IGF2BP1: variants seen among roughly 807,000 people sequenced by gnomAD.
IGF2BP1 encodes the protein insulin-like growth factor 2 mRNA-binding protein 1.
In IGF2BP1, 11 loss-of-function variants were observed where a neutral mutation model predicts 74.9. That is an observed-to-expected ratio of 0.15 (90% CI 0.09 to 0.24). The LOEUF is 0.24. Among genes scored for constraint, IGF2BP1 ranks in the 10% least tolerant of loss-of-function variants. IGF2BP1 has a pLI of 1.00. For missense variants in IGF2BP1, 440 were observed against 757.4 expected (o/e 0.58, Z 4.92); for synonymous variants, 287 against 281.8 (o/e 1.02, Z -0.18).
At chr17:49,037,591 C>T (rs1460852482) in intron 5 of IGF2BP1, among the ~76,000 whole-genome samples, 2 of 152,034 alleles carry the variant, frequency 1.3e-5, no homozygotes, top group African/African-American at 2.4e-5. Flanking sequence ...ATTTCAAAAA[C>T]GAAAATAAAC....
At chr17:49,038,565 G>A (rs946196663) in intron 6 of IGF2BP1, 116 bp downstream of exon 6, 1 of 1,122,856 alleles carries the variant, frequency 8.9e-7, no homozygotes, top group African/African-American at 1.6e-5. Context: ...AGGAAATGTT[G>A]CCTGGAGCAT....
chr17:49,047,647 C>T (rs1242993778), intron 14 of IGF2BP1, among the ~76,000 whole-genome samples: 1 of 151,588 alleles, frequency 6.6e-6, no homozygotes, highest in Non-Finnish European at 1.5e-5. Flanking sequence ...AAACATCAAG[C>T]CAGGGTTGAT....
intron 4 of IGF2BP1, among the ~76,000 whole-genome samples, chr17:49,027,878 AAAAG>A (rs1237775000): frequency 2.8e-4 from 42 of 149,844 alleles, no homozygotes; most frequent in African/African-American, 9.9e-4. Flanking sequence ...AAAAAAAAAA[AAAAG>A]TTTGCCGGCT....
intron 5 of IGF2BP1, among the ~76,000 whole-genome samples, chr17:49,037,898 C>T (rs1478628769): frequency 6.6e-6 from 1 of 152,200 alleles, no homozygotes; most frequent in African/African-American, 2.4e-5. Flanking sequence ...AAGCCCATTT[C>T]TCTGATGGTT....
At chr17:49,028,888 A>T (rs779168566) in intron 4 of IGF2BP1, among the ~76,000 whole-genome samples, 1 of 151,948 alleles carries the variant, frequency 6.6e-6, no homozygotes, top group African/African-American at 2.4e-5. Flanking sequence ...GCTCATTGCA[A>T]CCTCCGCCTC....
Position 49,043,589 on chromosome 17 carries a change from ATATGTGGCCTCCCTTAAGGGGGAC to A in IGF2BP1, c.1200+41_1200+64del, listed in dbSNP as rs754371094. 4 of 1,608,386 alleles carry A rather than the reference ATATGTGGCCTCCCTTAAGGGGGAC, an allele frequency of 2.5e-6. No individual in the cohort carries two copies. The South Asian group carries it at 4.4e-5, about 18-fold the overall frequency. On this transcript the variant is annotated intron_variant, in intron 10 of 14. Transcript: ENST00000290341. Reference sequence around the variant, plus strand: ...CTTATTACACGGGATCCCTGGGCCCATATGTGGCCTCCCTTAAGGGGGACTCAGCATGCTCTGGGAGTTGGATGC... The same window carrying A: ...CTTATTACACGGGATCCCTGGGCCCATCAGCATGCTCTGGGAGTTGGATGC...
At chr17:49,036,139 A>G (rs1370776341) in intron 5 of IGF2BP1, among the ~76,000 whole-genome samples, 1 of 152,178 alleles carries the variant, frequency 6.6e-6, no homozygotes, top group Non-Finnish European at 1.5e-5. Flanking sequence ...CTTGGCAAGT[A>G]TATAGCAGGT....
chr17:49,004,742 G>C (rs757893737), intron 2 of IGF2BP1: 6 of 152,134 alleles, frequency 3.9e-5, no homozygotes, highest in Non-Finnish European at 7.4e-5. Flanking sequence ...CTCCATGTTA[G>C]TGTAAAACTT....
chr17:49,044,787 C>T (rs1196570239), intron 11 of IGF2BP1, among the ~76,000 whole-genome samples: 1 of 152,246 alleles, frequency 6.6e-6, no homozygotes, highest in African/African-American at 2.4e-5. Context: ...TGAAGCCAAT[C>T]CTTCTAACTG....
rs1283143056 is a variant in IGF2BP1, at chr17:49,049,686, G to C, written c.*242G>C. The C allele has an allele frequency of 4.2e-6, 2 of 471,028 alleles. No homozygotes were observed. Among genetic ancestry groups the C allele is most frequent in the African/African-American group, 2.0e-5 (1 of 50,360 alleles). The allele number at this position is 471,028 out of a possible 1,614,324, so 29.2% of individuals were successfully genotyped here. On this transcript the variant is annotated 3_prime_UTR_variant, in exon 15 of 15. Transcript: ENST00000290341. ...GGGGTGTCAGAAATTCTAGCGCAAG[G>C]CACTTTTAAACGTGGATTGTTTAAA... is the stretch of plus-strand genomic sequence containing the variant.
chr17:49,021,025 C>T (rs1285850719), intron 2 of IGF2BP1, among the ~76,000 whole-genome samples: 1 of 151,422 alleles, frequency 6.6e-6, no homozygotes, highest in East Asian at 1.9e-4. Context: ...TGCCTGTGGC[C>T]CCAGCTGCTC....
chr17:49,045,385 C>G (rs1456614442), intron 12 of IGF2BP1, among the ~76,000 whole-genome samples: 1 of 152,216 alleles, frequency 6.6e-6, no homozygotes, highest in African/African-American at 2.4e-5. Flanking sequence ...TATGTCCCCA[C>G]TAAATCCTAA....
At chr17:49,018,514 G>C (rs2041736843) in intron 2 of IGF2BP1, among the ~76,000 whole-genome samples, 1 of 152,172 alleles carries the variant, frequency 6.6e-6, no homozygotes, top group Admixed American at 6.5e-5. Flanking sequence ...GTTAGGTGGG[G>C]ATGGGGGTTA....
rs577005216 is a variant in IGF2BP1, at chr17:49,017,861, C to G, written c.237-7757C>G. 4 of 152,350 alleles carry G rather than the reference C, an allele frequency of 2.6e-5. No homozygotes were observed. In the East Asian group the frequency reaches 7.7e-4, roughly 29 times the overall value. 9.4% of individuals were successfully genotyped at this position (152,350 alleles called of 1,614,324 possible). On this transcript the variant is annotated intron_variant, in intron 2 of 14. Coordinates refer to ENST00000290341, the MANE Select transcript of IGF2BP1 (RefSeq NM_006546.4). ...CTGACCTCAGGTGATCCACCTGCCT[C>G]GGCCTCCCAAAGTGCCTCAACTTTC...
At chr17:49,026,619 T>G (rs2041857299) in intron 4 of IGF2BP1, 102 bp downstream of exon 4, 2 of 882,040 alleles carry the variant, frequency 2.3e-6, no homozygotes, top group Non-Finnish European at 1.8e-6. Flanking sequence ...CTCCCTTCCT[T>G]CCTTCCTTCC....
intron 2 of IGF2BP1, among the ~76,000 whole-genome samples, chr17:49,016,058 C>T (rs2041697470): frequency 6.6e-6 from 1 of 152,244 alleles, no homozygotes; most frequent in African/African-American, 2.4e-5. Context: ...ATTAGAGCCG[C>T]ATGCAGTAAA....
intron 5 of IGF2BP1, among the ~76,000 whole-genome samples, chr17:49,033,450 T>G (rs950124230): frequency 1.6e-4 from 25 of 152,224 alleles, no homozygotes; most frequent in African/African-American, 5.3e-4. Flanking sequence ...CAAGTGATTC[T>G]CCTGCCTCAG....
chr17:49,046,769 C>CA (rs761595840), intron 14 of IGF2BP1, among the ~76,000 whole-genome samples: 3 of 152,016 alleles, frequency 2.0e-5, no homozygotes, highest in Non-Finnish European at 4.4e-5. Context: ...ACAGTACTAA[C>CA]ACCCTGGATT....
chr17:49,021,148 A>C (rs531342600), intron 2 of IGF2BP1, among the ~76,000 whole-genome samples: 34 of 144,202 alleles, frequency 2.4e-4, no homozygotes, highest in Admixed American at 6.3e-4. Flanking sequence ...GTCTCAAAGG[A>C]AAAAAAAAAA....
Sources: gnomAD v4.1 joint callset for allele counts (sites outside exome capture counted in the v4.1 genomes callset) on GRCh38, gnomAD v4.1.1 for gene constraint, MANE v1.5 for transcripts, NCBI Gene and HGNC (gene_info 2026-07-23, HGNC 2026-07-21) for gene names.